The following ATRNL1 variants were observed in gnomAD, a reference collection of about 807,000 sequenced individuals.
The protein encoded by ATRNL1 is attractin-like protein 1.
In ATRNL1, 95 loss-of-function variants were observed where a neutral mutation model predicts 182.7. The observed-to-expected ratio is 0.52, with a 90% CI of 0.44 to 0.62. The LOEUF (loss-of-function observed/expected upper bound fraction) is 0.62, where lower values mean the gene tolerates loss of function less well. Among genes scored for constraint, ATRNL1 ranks in the 20% least tolerant of loss-of-function variants. The pLI, the probability that ATRNL1 is intolerant of heterozygous loss-of-function variation, is 0.00. For synonymous variants in ATRNL1, 576 were observed against 568.3 expected (o/e 1.01, Z -0.19); for missense variants, 1,471 against 1,679.5 (o/e 0.88, Z 2.17).
intron 27 of ATRNL1, among the ~76,000 whole-genome samples, chr10:115,746,147 A>G (rs1593160834): frequency 6.6e-6 from 1 of 152,190 alleles, no homozygotes; most frequent in East Asian, 1.9e-4. Context: ...CTCATGGCCA[A>G]TCTTGTTTCA....
chr10:115,711,422 A>G (rs1555054510), intron 26 of ATRNL1, among the ~76,000 whole-genome samples: 3 of 152,184 alleles, frequency 2.0e-5, no homozygotes, highest in Admixed American at 2.0e-4. Context: ...TTGGAACACA[A>G]TGAGTAAGAG....
chr10:115,534,380 A>C (rs1486219276), intron 25 of ATRNL1, among the ~76,000 whole-genome samples: 1 of 151,960 alleles, frequency 6.6e-6, no homozygotes, highest in Admixed American at 6.6e-5. Flanking sequence ...GTCTCTTCTG[A>C]TCTTTGTTGG....
intron 24 of ATRNL1, among the ~76,000 whole-genome samples, chr10:115,518,529 T>C (rs1308440475): frequency 6.6e-6 from 1 of 151,872 alleles, no homozygotes; most frequent in Middle Eastern, 3.2e-3. Context: ...TTCTATTCAG[T>C]TAGATTTTCT....
At chr10:115,250,967 A>C (rs1554905247) in intron 10 of ATRNL1, among the ~76,000 whole-genome samples, 3 of 152,212 alleles carry the variant, frequency 2.0e-5, no homozygotes, top group Non-Finnish European at 1.5e-5. Context: ...CCTAAGGCAA[A>C]AGTGTGAAGG....
chr10:115,600,218 TG>T (rs1856517322), intron 26 of ATRNL1, among the ~76,000 whole-genome samples: 1 of 135,124 alleles, frequency 7.4e-6, no homozygotes, highest in Admixed American at 8.6e-5. Context: ...TATGAATGTT[TG>T]TTTAGAAGCT....
intron 25 of ATRNL1, among the ~76,000 whole-genome samples, chr10:115,521,495 A>G (rs1270588573): frequency 6.6e-6 from 1 of 152,192 alleles, no homozygotes; most frequent in African/African-American, 2.4e-5. Context: ...AAGAAAATTC[A>G]CTGAAAGTTT....
At chr10:115,852,336 T>C (rs1232951185) in intron 28 of ATRNL1, among the ~76,000 whole-genome samples, 5 of 152,204 alleles carry the variant, frequency 3.3e-5, no homozygotes. Flanking sequence ...TTTTGAATAA[T>C]CTAGAAATAT....
chr10:115,754,673 A>C (rs11197431), intron 27 of ATRNL1, among the ~76,000 whole-genome samples: 1 of 152,128 alleles, frequency 6.6e-6, no homozygotes, highest in Non-Finnish European at 1.5e-5. Context: ...GTTCCATATG[A>C]ACTTTAAAGT....
chr10:115,365,900 C>G (rs1179551440), intron 19 of ATRNL1, among the ~76,000 whole-genome samples: 1 of 151,964 alleles, frequency 6.6e-6, no homozygotes, highest in East Asian at 1.9e-4. Context: ...TTGTTATAAT[C>G]TCTGTTCTTT....
chr10:115,249,142 C>T (rs1325309733), intron 10 of ATRNL1, among the ~76,000 whole-genome samples: 3 of 151,988 alleles, frequency 2.0e-5, no homozygotes, highest in Admixed American at 6.6e-5. Flanking sequence ...CCACCATCTC[C>T]GGCTAATTTT....
intron 28 of ATRNL1, among the ~76,000 whole-genome samples, chr10:115,868,984 C>T (rs1951511417): frequency 6.6e-6 from 1 of 151,810 alleles, no homozygotes; most frequent in Non-Finnish European, 1.5e-5. Flanking sequence ...CGCCCGCCAC[C>T]ACGCCCGGCT....
chr10:115,621,477 T>A (rs1592961134), intron 26 of ATRNL1, among the ~76,000 whole-genome samples: 1 of 152,030 alleles, frequency 6.6e-6, no homozygotes, highest in East Asian at 1.9e-4. Flanking sequence ...AATTTTTGAA[T>A]TTTTTGTAGA....
chr10:115,160,240 C>A (rs1554882966), intron 6 of ATRNL1, 26 bp downstream of exon 6: 1 of 1,546,492 alleles, frequency 6.5e-7, no homozygotes, highest in Non-Finnish European at 8.8e-7. Flanking sequence ...CAGATTCTTG[C>A]TGTTTTTTAA....
intron 20 of ATRNL1, among the ~76,000 whole-genome samples, chr10:115,408,128 C>G (rs895275010): frequency 6.6e-6 from 1 of 151,012 alleles, no homozygotes; most frequent in African/African-American, 2.4e-5. Flanking sequence ...CTCAGCCTCC[C>G]GAGTAGCCGG....
intron 9 of ATRNL1, among the ~76,000 whole-genome samples, chr10:115,220,918 G>C (rs527813963): frequency 1.2e-3 from 183 of 152,204 alleles, no homozygotes; most frequent in Non-Finnish European, 2.1e-3. Flanking sequence ...ATATGAGTCT[G>C]CAAGCAATTG....
intron 28 of ATRNL1, among the ~76,000 whole-genome samples, chr10:115,911,369 G>A (rs1952673063): frequency 6.6e-6 from 1 of 151,996 alleles, no homozygotes; most frequent in Non-Finnish European, 1.5e-5. Context: ...CCAGGCTGGA[G>A]GGCAATGGTG....
intron 18 of ATRNL1, among the ~76,000 whole-genome samples, chr10:115,316,120 G>A (rs976454456): frequency 1.3e-5 from 2 of 151,984 alleles, no homozygotes; most frequent in East Asian, 1.9e-4. Context: ...CCCCCAGCCC[G>A]GCAACAGGCC....
At chr10:115,665,451 G>C (rs192118594) in intron 26 of ATRNL1, among the ~76,000 whole-genome samples, 4 of 152,100 alleles carry the variant, frequency 2.6e-5, no homozygotes, top group African/African-American at 9.6e-5. Context: ...ACAGACCTGC[G>C]TAAGTATTTA....
chr10:115,358,793 C>T (rs895196168), intron 19 of ATRNL1, among the ~76,000 whole-genome samples: 13 of 151,580 alleles, frequency 8.6e-5, no homozygotes, highest in Admixed American at 1.3e-4. Flanking sequence ...CTTTGACTCT[C>T]ACATGCAACT....
Sources: allele counts gnomAD v4.1 joint callset (sites outside exome capture counted in the v4.1 genomes callset), GRCh38; gene constraint gnomAD v4.1.1; transcripts MANE v1.5; gene names NCBI Gene and HGNC (gene_info 2026-07-23, HGNC 2026-07-21).